NCOA7: variants seen among roughly 807,000 people sequenced by gnomAD.
The protein encoded by NCOA7 is nuclear receptor coactivator 7.
A neutral mutation model predicts 104.3 loss-of-function variants in NCOA7; 45 were observed. That is an observed-to-expected ratio of 0.43 (90% CI 0.34 to 0.55). NCOA7 has a LOEUF of 0.55. NCOA7 is among the 20% of genes least tolerant of loss of function. NCOA7 has a pLI of 0.02. For missense variants in NCOA7, 1,041 were observed against 1,119.7 expected, an observed-to-expected ratio of 0.93 and a Z score of 1.00; for synonymous variants, 398 against 402.3, an observed-to-expected ratio of 0.99 and a Z score of 0.13.
chr6:125,853,939 A>G (rs1544293), intron 2 of NCOA7, among the ~76,000 whole-genome samples: 111,649 of 151,668 alleles, frequency 0.74, 42,225 homozygotes, highest in African/African-American at 0.92. Flanking sequence ...ACATCACAGA[A>G]CAATGCAGTG....
Position 125,865,728 on chromosome 6 carries a change from A to G in NCOA7, c.272-9161A>G, listed in dbSNP as rs1365793873. On this transcript the variant is annotated intron_variant, in intron 3 of 15. Coordinates refer to ENST00000392477, the MANE Select transcript of NCOA7 (RefSeq NM_181782.5). The stretch of plus-strand genomic sequence containing the variant: ...GTCCAGGCTGGAGTGTAGTAGTGCA[A>G]TCATAGCTCACTGTAGCCTTAAACT... 2.2e-5 allele frequency among the ~76,000 whole-genome samples: 3 copies of G among 137,084 alleles called. 1 individual carries two copies. The highest frequency in any genetic ancestry group is 4.6e-5 in the Non-Finnish European group (3 of 64,612). 89.9% of individuals were successfully genotyped at this position (137,084 alleles called of 152,430 possible). A position where few individuals can be genotyped will look rare whatever the true frequency, so the allele number is the denominator to read the frequency against.
intron 2 of NCOA7, among the ~76,000 whole-genome samples, chr6:125,837,368 G>C (rs1779699726): frequency 6.6e-6 from 1 of 152,030 alleles, no homozygotes; most frequent in Non-Finnish European, 1.5e-5. Flanking sequence ...CACATTCAAA[G>C]AAATAAGTAT....
intron 2 of NCOA7, among the ~76,000 whole-genome samples, chr6:125,836,791 A>G: frequency 6.6e-6 from 1 of 152,230 alleles, no homozygotes; most frequent in Non-Finnish European, 1.5e-5. Flanking sequence ...ATCAACAACT[A>G]CTAAAAAATA....
rs1192663190 is a variant in NCOA7, at chr6:125,922,796, A to G, written c.2485A>G (p.Ser829Gly). 4 of 1,614,040 alleles carry G rather than the reference A, an allele frequency of 2.5e-6. No individual in the cohort carries two copies. Among genetic ancestry groups the G allele is most frequent in the African/African-American group, 1.3e-5 (1 of 74,918 alleles). ...CTACCGGAAATCGGCATCACTAGAC[A>G]GTCCTGTCCTATTGGTCATCAAAGA... ...TLYRKSASLD[S>G]PVLLVIKDMD... Residue 829 changes from serine to glycine, a missense_variant, in exon 13 of 16, where the codon AGT becomes GGT. By Grantham distance (56) the Ser-to-Gly change is moderately conservative. This residue lies in a region of NCOA7 where 127 missense variants were observed against 177.0 expected (regional missense o/e 0.72). Coordinates refer to ENST00000392477, the MANE Select transcript of NCOA7 (RefSeq NM_181782.5).
intron 9 of NCOA7, 118 bp downstream of exon 9, chr6:125,890,099 G>T: frequency 1.3e-6 from 1 of 766,398 alleles, no homozygotes; most frequent in Non-Finnish European, 1.9e-6. Context: ...TCAATAGAGT[G>T]TATCTTTGCT....
chr6:125,790,735 A>T (rs3734633), upstream of NCOA7: 13 of 152,188 alleles, frequency 8.5e-5, no homozygotes, highest in African/African-American at 3.1e-4. Context: ...GCCCGCCTTC[A>T]GCCGGGCCCG....
At chr6:125,864,024 G>T (rs374230726) in intron 3 of NCOA7, among the ~76,000 whole-genome samples, 2 of 136,372 alleles carry the variant, frequency 1.5e-5, no homozygotes, top group Admixed American at 1.4e-4. Flanking sequence ...GTTTTTTTGG[G>T]GGGGGCAGTT....
At chr6:125,866,254 G>A (rs935432765) in intron 3 of NCOA7, among the ~76,000 whole-genome samples, 4 of 151,852 alleles carry the variant, frequency 2.6e-5, no homozygotes, top group African/African-American at 4.8e-5. Context: ...GCTTGAACCC[G>A]TGAGGTGGAG....
At chr6:125,914,540 C>T (rs1786883537) in intron 10 of NCOA7, among the ~76,000 whole-genome samples, 1 of 151,760 alleles carries the variant, frequency 6.6e-6, no homozygotes, top group Non-Finnish European at 1.5e-5. Flanking sequence ...TAACGTTATC[C>T]CAACAGTAGC....
At chr6:125,926,586 T>A (rs905330138) in intron 13 of NCOA7, among the ~76,000 whole-genome samples, 6 of 152,156 alleles carry the variant, frequency 3.9e-5, no homozygotes, top group Non-Finnish European at 8.8e-5. Context: ...ATTTCTTTGT[T>A]CTTAGCAGCT....
chr6:125,809,996 A>G (rs1443687076), intron 1 of NCOA7: 1 of 152,144 alleles, frequency 6.6e-6, no homozygotes, highest in Non-Finnish European at 1.5e-5. Context: ...ATTCAACAGC[A>G]CTAGCTGTGG....
chr6:125,912,960 T>A (rs984493845), intron 10 of NCOA7, among the ~76,000 whole-genome samples: 8 of 152,200 alleles, frequency 5.3e-5, no homozygotes, highest in African/African-American at 1.9e-4. Context: ...AATTTTGATG[T>A]TTGAATCATA....
At chr6:125,923,297 A>G (rs1365342088) in intron 13 of NCOA7, among the ~76,000 whole-genome samples, 1 of 152,168 alleles carries the variant, frequency 6.6e-6, no homozygotes, top group Non-Finnish European at 1.5e-5. Flanking sequence ...AGAGTCAGTC[A>G]AGGCCATAGT....
At chr6:125,840,277 A>G (rs924959912) in intron 2 of NCOA7, among the ~76,000 whole-genome samples, 2 of 152,162 alleles carry the variant, frequency 1.3e-5, no homozygotes, top group African/African-American at 4.8e-5. Context: ...CAATGTGTTT[A>G]TATTTTTAGC....
chr6:125,883,400 A>G (rs1157659201), intron 7 of NCOA7, among the ~76,000 whole-genome samples: 2 of 152,208 alleles, frequency 1.3e-5, no homozygotes, highest in East Asian at 3.8e-4. Flanking sequence ...ACCCAATTAC[A>G]GTGTAAAATC....
chr6:125,813,566 C>T (rs1331251265), intron 1 of NCOA7, among the ~76,000 whole-genome samples: 2 of 151,850 alleles, frequency 1.3e-5, no homozygotes, highest in Non-Finnish European at 2.9e-5. Flanking sequence ...ATTCTCCTGC[C>T]TCAGCCTCCC....
chr6:125,785,744 G>C (rs926651872), intron 1 of NCOA7, among the ~76,000 whole-genome samples: 2 of 152,120 alleles, frequency 1.3e-5, no homozygotes, highest in East Asian at 3.8e-4. Flanking sequence ...TAAGACAACA[G>C]GAAATTATTC....
At chr6:125,897,556 A>C (rs1474937741) in intron 10 of NCOA7, among the ~76,000 whole-genome samples, 1 of 152,202 alleles carries the variant, frequency 6.6e-6, no homozygotes, top group East Asian at 1.9e-4. Context: ...CTTTATCTCT[A>C]ATCACATTTT....
intron 11 of NCOA7, among the ~76,000 whole-genome samples, chr6:125,916,419 T>A (rs1339904218): frequency 6.6e-6 from 1 of 152,116 alleles, no homozygotes; most frequent in Non-Finnish European, 1.5e-5. Flanking sequence ...GTTCCCTTCA[T>A]CCAGTCAGGC....
Sources: allele counts gnomAD v4.1 joint callset (sites outside exome capture counted in the v4.1 genomes callset), GRCh38; gene constraint gnomAD v4.1.1; regional missense constraint gnomAD v4.1.1; transcripts MANE v1.5; gene names NCBI Gene and HGNC (gene_info 2026-07-23, HGNC 2026-07-21).